DENND5B: variants seen among roughly 807,000 people sequenced by gnomAD.
The protein encoded by DENND5B is DENN domain-containing protein 5B.
In DENND5B, 34 loss-of-function variants were observed where a neutral mutation model predicts 140.6. That is an observed-to-expected ratio of 0.24 (90% CI 0.18 to 0.32). The LOEUF is 0.32. Ranked by LOEUF, DENND5B falls within the 10% of genes least tolerant of loss-of-function variation. The pLI is 1.00. For synonymous variants in DENND5B, 551 were observed against 562.1 expected, an observed-to-expected ratio of 0.98 and a Z score of 0.28; for missense variants, 1,142 against 1,560.2, an observed-to-expected ratio of 0.73 and a Z score of 4.52.
chr12:31,453,310 A>G lies in DENND5B; in HGVS notation c.1093-834T>C, dbSNP rs146802706. Among the ~76,000 whole-genome samples, 198 of 152,332 alleles carry G rather than the reference A, an allele frequency of 1.3e-3. 4 individuals carry two copies. The East Asian group carries it at 0.034, about 27-fold the overall frequency. ...AGTAGAAGAGGTGACAGAAATCAGA[A>G]GAAATGTTTGAGTTTGTTTACACTC... On this transcript the variant is annotated intron_variant, in intron 4 of 20. Transcript: ENST00000389082.
intron 3 of DENND5B, 88 bp downstream of exon 3, chr12:31,479,501 C>T (rs955881568): frequency 1.8e-5 from 22 of 1,209,704 alleles, no homozygotes; most frequent in South Asian, 2.1e-5. Context: ...GATCATTATT[C>T]GGTTCTAATA....
In DENND5B at chr12:31,491,476, T is replaced by C. The variant is rs1437472411; in HGVS notation, c.237+4334A>G. Among the ~76,000 whole-genome samples, 5 of 151,926 alleles carry C rather than the reference T, an allele frequency of 3.3e-5. No individual in the cohort carries two copies. The East Asian group carries it at 9.6e-4, about 29-fold the overall frequency. The stretch of plus-strand genomic sequence containing the variant: ...ATAAATTAATTAATTTAATTAAATG[T>C]ACTGCACTCCAATCTGGGAGACAGA... On this transcript the variant is annotated intron_variant, in intron 2 of 20. Coordinates refer to ENST00000389082, the MANE Select transcript of DENND5B (RefSeq NM_144973.4).
intron 1 of DENND5B, among the ~76,000 whole-genome samples, chr12:31,573,330 G>A (rs570748440): frequency 3.3e-5 from 5 of 152,100 alleles, no homozygotes; most frequent in South Asian, 2.1e-4. Context: ...CCAATCTCTC[G>A]CTCACACATA....
At chr12:31,428,152 G>A (rs1943332216) in intron 8 of DENND5B, among the ~76,000 whole-genome samples, 1 of 151,786 alleles carries the variant, frequency 6.6e-6, no homozygotes, top group African/African-American at 2.4e-5. Context: ...CCAGGCATTC[G>A]AGACCAGCCT....
intron 13 of DENND5B, among the ~76,000 whole-genome samples, chr12:31,411,142 C>A (rs371826809): frequency 6.6e-6 from 1 of 151,538 alleles, no homozygotes; most frequent in African/African-American, 2.4e-5. Context: ...CAGGCTCAAG[C>A]GATTCTCCTG....
intron 1 of DENND5B, among the ~76,000 whole-genome samples, chr12:31,525,449 T>G (rs949063847): frequency 4.6e-5 from 7 of 152,216 alleles, no homozygotes; most frequent in African/African-American, 1.7e-4. Flanking sequence ...CAATTCTATT[T>G]ATATGAAATA....
Position 31,484,800 on chromosome 12 carries a change from C to CAAACA in DENND5B, c.238-4550_238-4546dup, listed in dbSNP as rs56873909. ...TAGGCAACAGAGTGAGACTCCATCT[C>CAAACA]AAACAAAACAAAACAAAACAAAACA... On this transcript the variant is annotated intron_variant, in intron 2 of 20. Transcript: ENST00000389082. 6.8e-4 allele frequency among the ~76,000 whole-genome samples: 104 copies of CAAACA among 152,014 alleles called. 1 individual carries two copies. Among genetic ancestry groups the CAAACA allele is most frequent in the Admixed American group, 1.6e-3 (24 of 15,276 alleles).
At chr12:31,473,166 G>A (rs1434747641) in intron 3 of DENND5B, among the ~76,000 whole-genome samples, 1 of 152,140 alleles carries the variant, frequency 6.6e-6, no homozygotes, top group East Asian at 1.9e-4. Flanking sequence ...TCAAACTCCT[G>A]GGCTCAAGTG....
At chr12:31,409,716 T>C (rs1029998976) in intron 13 of DENND5B, among the ~76,000 whole-genome samples, 1 of 152,086 alleles carries the variant, frequency 6.6e-6, no homozygotes, top group South Asian at 2.1e-4. Context: ...TGACCTCAGG[T>C]GATCCATCTG....
intron 4 of DENND5B, among the ~76,000 whole-genome samples, chr12:31,456,381 A>T (rs567185785): frequency 2.0e-5 from 3 of 152,072 alleles, no homozygotes; most frequent in African/African-American, 7.2e-5. Context: ...AAAGGCTTAA[A>T]GCTTAATCAT....
intron 14 of DENND5B, among the ~76,000 whole-genome samples, chr12:31,403,630 G>A (rs1941945475): frequency 6.7e-6 from 1 of 149,496 alleles, no homozygotes; most frequent in Non-Finnish European, 1.5e-5. Flanking sequence ...ACGGCTGGAT[G>A]TGGTGGCCTG....
chr12:31,420,167 C>T (rs1447481319), intron 11 of DENND5B: 2 of 707,970 alleles, frequency 2.8e-6, no homozygotes, highest in Middle Eastern at 7.4e-4. Flanking sequence ...TGCTCTGTCA[C>T]CCAAGCTAGA....
At chr12:31,495,955 T>C (rs763301569) in intron 1 of DENND5B, 36 bp from the exon 2 acceptor site, 1 of 1,429,370 alleles carries the variant, frequency 7.0e-7, no homozygotes, top group East Asian at 2.3e-5. Flanking sequence ...ATCTAGAACT[T>C]TTCCAAAAGC....
chr12:31,566,119 T>C (rs1949617741), intron 1 of DENND5B, among the ~76,000 whole-genome samples: 1 of 152,138 alleles, frequency 6.6e-6, no homozygotes, highest in Non-Finnish European at 1.5e-5. Flanking sequence ...CAGTGAAGCC[T>C]GGGTGACAGA....
At chr12:31,516,058 T>G (rs965030538) in intron 1 of DENND5B, among the ~76,000 whole-genome samples, 1 of 152,224 alleles carries the variant, frequency 6.6e-6, no homozygotes, top group South Asian at 2.1e-4. Flanking sequence ...GTATGAAAAC[T>G]AGGTTGCCCC....
rs1358682174 is a variant in DENND5B, at chr12:31,384,565, G to A, written c.*3038C>T. The A allele has an allele frequency of 6.6e-6, 1 of 152,136 alleles. No individual in the cohort carries two copies. Among genetic ancestry groups the A allele is most frequent in the Non-Finnish European group, 1.5e-5 (1 of 68,040 alleles). The allele number at this position is 152,136 out of a possible 1,614,324, so 9.4% of individuals were successfully genotyped here. A position where few individuals can be genotyped will look rare whatever the true frequency, so the allele number is the denominator to read the frequency against. ...CTGTATCAACGGAATAAGTACATGG[G>A]CTCACAAGGTGACTGAAGGACCCAT... On this transcript the variant is annotated 3_prime_UTR_variant, in exon 21 of 21. Coordinates refer to ENST00000389082, the MANE Select transcript of DENND5B (RefSeq NM_144973.4).
intron 2 of DENND5B, among the ~76,000 whole-genome samples, chr12:31,491,040 G>C (rs1011660873): frequency 6.6e-6 from 1 of 152,136 alleles, no homozygotes; most frequent in African/African-American, 2.4e-5. Flanking sequence ...TGAATTCTTA[G>C]GTACAACACA....
chr12:31,457,859 G>A (rs1305882240), intron 4 of DENND5B, among the ~76,000 whole-genome samples: 6 of 151,900 alleles, frequency 3.9e-5, no homozygotes, highest in African/African-American at 1.2e-4. Flanking sequence ...GACTACAGGC[G>A]CCTGCCACCA....
At chr12:31,496,960 T>C (rs1434778688) in intron 1 of DENND5B, among the ~76,000 whole-genome samples, 3 of 152,192 alleles carry the variant, frequency 2.0e-5, no homozygotes, top group Admixed American at 2.0e-4. Flanking sequence ...AGAGTTCTAA[T>C]TAAGTGCAAA....
Sources: allele counts gnomAD v4.1 joint callset (sites outside exome capture counted in the v4.1 genomes callset), GRCh38; gene constraint gnomAD v4.1.1; transcripts MANE v1.5; gene names NCBI Gene and HGNC (gene_info 2026-07-23, HGNC 2026-07-21).